The following XYLT1 variants were observed in gnomAD, a reference collection of about 807,000 sequenced individuals.
XYLT1 encodes xylosyltransferase 1.
In XYLT1, 36 loss-of-function variants were observed where a neutral mutation model predicts 91.3. That is an observed-to-expected ratio of 0.39 (90% CI 0.30 to 0.52). The LOEUF (loss-of-function observed/expected upper bound fraction) is 0.52. XYLT1 is among the 20% of genes least tolerant of loss of function. The pLI, the probability that XYLT1 is intolerant of heterozygous loss-of-function variation, is 0.68. For synonymous variants in XYLT1, 588 were observed against 532.0 expected, an observed-to-expected ratio of 1.11 and a Z score of -1.45; for missense variants, 1,242 against 1,284.5, an observed-to-expected ratio of 0.97 and a Z score of 0.51.
intron 3 of XYLT1, among the ~76,000 whole-genome samples, chr16:17,224,795 G>A (rs2033033758): frequency 6.6e-6 from 1 of 152,190 alleles, no homozygotes; most frequent in Admixed American, 6.5e-5. Flanking sequence ...CGAGGTGCAT[G>A]AGGCTCTCCC....
At chr16:17,292,473 G>C (rs2034244904) in intron 2 of XYLT1, among the ~76,000 whole-genome samples, 1 of 152,170 alleles carries the variant, frequency 6.6e-6, no homozygotes, top group South Asian at 2.1e-4. Context: ...TATTTGCTGA[G>C]CTGATCTGTG....
rs529229992 is a variant in XYLT1, at chr16:17,106,034, C to G, written c.*2661G>C. 1 of 152,170 alleles carries G rather than the reference C, an allele frequency of 6.6e-6. No individual in the cohort carries two copies. Among genetic ancestry groups the G allele is most frequent in the Non-Finnish European group, 1.5e-5 (1 of 68,042 alleles). 9.4% of individuals were successfully genotyped at this position (152,170 alleles called of 1,614,324 possible). Reference sequence around the variant, plus strand: ...AGGAATACCCTGTGTGACTTCTCAGCTCCCCGAATTAGTTGTGGTGAGGAA... The same window carrying G: ...AGGAATACCCTGTGTGACTTCTCAGGTCCCCGAATTAGTTGTGGTGAGGAA... On this transcript the variant is annotated 3_prime_UTR_variant, in exon 12 of 12. Coordinates refer to ENST00000261381, the MANE Select transcript of XYLT1 (RefSeq NM_022166.4).
chr16:17,379,177 C>G (rs953510259), intron 1 of XYLT1, among the ~76,000 whole-genome samples: 1 of 152,184 alleles, frequency 6.6e-6, no homozygotes, highest in Non-Finnish European at 1.5e-5. Flanking sequence ...AAATGCTCCC[C>G]GGGCAGGCAG....
At chr16:17,118,051 T>TCCC (rs1407881852) in intron 10 of XYLT1, 72 bp from the exon 11 acceptor site, 7 of 1,472,906 alleles carry the variant, frequency 4.8e-6, no homozygotes, top group Admixed American at 2.2e-5. Context: ...AGGTCTAGGA[T>TCCC]CCCCTTTGTT....
At chr16:17,299,539 G>A (rs769430040) in intron 2 of XYLT1, among the ~76,000 whole-genome samples, 5 of 152,184 alleles carry the variant, frequency 3.3e-5, no homozygotes, top group Non-Finnish European at 5.9e-5. Context: ...TGCTGCACAG[G>A]GGCTAAAGAC....
At position 17,245,863 on chromosome 16, in the gene XYLT1, G is replaced by A. The variant is rs150031960; in HGVS notation, c.913+13125C>T. On this transcript the variant is annotated intron_variant, in intron 3 of 11. Coordinates refer to ENST00000261381, the MANE Select transcript of XYLT1 (RefSeq NM_022166.4). ...TGGCAGAGAAATGGGAGGTAACCGC[G>A]GCTGGCTATTTCTCACCCCAGGCAA... Among the ~76,000 whole-genome samples the A allele has an allele frequency of 1.2e-4, 18 of 152,094 alleles. No homozygotes were observed. In the East Asian group the frequency reaches 2.1e-3, roughly 18 times the overall value.
At chr16:17,291,448 G>A (rs970133824) in intron 2 of XYLT1, among the ~76,000 whole-genome samples, 1 of 152,206 alleles carries the variant, frequency 6.6e-6, no homozygotes, top group African/African-American at 2.4e-5. Context: ...TACCCACCTG[G>A]TAGTGGCACA....
At chr16:17,143,894 G>A (rs1567294407) in intron 6 of XYLT1, among the ~76,000 whole-genome samples, 1 of 146,726 alleles carries the variant, frequency 6.8e-6, no homozygotes, top group African/African-American at 2.6e-5. Context: ...CACCACCATC[G>A]TCATCATCAC....
At chr16:17,222,646 T>C (rs1177024119) in intron 3 of XYLT1, among the ~76,000 whole-genome samples, 1 of 151,752 alleles carries the variant, frequency 6.6e-6, no homozygotes, top group Non-Finnish European at 1.5e-5. Flanking sequence ...AAAAATTAGA[T>C]GGGCACAGTG....
rs1342131532 is a variant in XYLT1, at chr16:17,331,497, A to G, written c.402+26515T>C. Among the ~76,000 whole-genome samples, 5 of 101,458 alleles carry G rather than the reference A, an allele frequency of 4.9e-5. No individual in the cohort carries two copies. The South Asian group carries it at 1.3e-3, about 27-fold the overall frequency. 66.6% of individuals were successfully genotyped at this position (101,458 alleles called of 152,430 possible). Reference sequence around the variant, plus strand: ...TGGCTTGAAGAACTGAGTTTGCTCAACAGACACACGTTTTCCATTCAACAC... The same window carrying G: ...TGGCTTGAAGAACTGAGTTTGCTCAGCAGACACACGTTTTCCATTCAACAC... On this transcript the variant is annotated intron_variant, in intron 2 of 11. Transcript: ENST00000261381.
chr16:17,436,523 G>C (rs975503961), intron 1 of XYLT1, among the ~76,000 whole-genome samples: 3 of 152,224 alleles, frequency 2.0e-5, no homozygotes, highest in African/African-American at 4.8e-5. Flanking sequence ...TGGTGAAACT[G>C]AATTTGATCA....
At chr16:17,393,130 T>C (rs545332513) in intron 1 of XYLT1, among the ~76,000 whole-genome samples, 75 of 152,124 alleles carry the variant, frequency 4.9e-4, no homozygotes, top group Non-Finnish European at 8.8e-4. Context: ...GCGACTTTCA[T>C]CCCTTTTTCC....
chr16:17,298,241 T>C (rs950254927), intron 2 of XYLT1, among the ~76,000 whole-genome samples: 1 of 152,106 alleles, frequency 6.6e-6, no homozygotes, highest in African/African-American at 2.4e-5. Context: ...GTGTCACATC[T>C]AGTGGGGGCG....
intron 10 of XYLT1, among the ~76,000 whole-genome samples, chr16:17,121,647 C>A (rs1464081678): frequency 6.6e-6 from 1 of 151,982 alleles, no homozygotes; most frequent in Non-Finnish European, 1.5e-5. Context: ...TGAATAAGTT[C>A]TTTAGTGGTG....
intron 3 of XYLT1, among the ~76,000 whole-genome samples, chr16:17,223,756 T>C (rs2033014215): frequency 6.6e-6 from 1 of 152,244 alleles, no homozygotes; most frequent in South Asian, 2.1e-4. Flanking sequence ...TATACACTGG[T>C]GGCTGTGTTC....
intron 2 of XYLT1, among the ~76,000 whole-genome samples, chr16:17,306,409 C>G (rs1462640073): frequency 2.6e-5 from 4 of 151,992 alleles, no homozygotes; most frequent in African/African-American, 9.7e-5. Context: ...TCTGGGAGGC[C>G]GAGGCAGGCG....
chr16:17,379,486 G>C (rs2035643748), intron 1 of XYLT1, among the ~76,000 whole-genome samples: 1 of 152,170 alleles, frequency 6.6e-6, no homozygotes, highest in Non-Finnish European at 1.5e-5. Context: ...CATGAAAATG[G>C]GAACCTGGCC....
At chr16:17,423,470 C>G (rs572479372) in intron 1 of XYLT1, among the ~76,000 whole-genome samples, 1 of 152,262 alleles carries the variant, frequency 6.6e-6, no homozygotes, top group East Asian at 1.9e-4. Flanking sequence ...AATCAGCCTG[C>G]GATACAAAGG....
At chr16:17,468,984 G>A (rs1415204759) in intron 1 of XYLT1, among the ~76,000 whole-genome samples, 4 of 152,158 alleles carry the variant, frequency 2.6e-5, no homozygotes, top group South Asian at 2.1e-4. Flanking sequence ...AGAAGAGATC[G>A]CAGGACACTA....
Sources: gnomAD v4.1 joint callset for allele counts (sites outside exome capture counted in the v4.1 genomes callset) on GRCh38, gnomAD v4.1.1 for gene constraint, MANE v1.5 for transcripts, NCBI Gene and HGNC (gene_info 2026-07-23, HGNC 2026-07-21) for gene names.